PALLD: variants seen among roughly 807,000 people sequenced by gnomAD.
The protein encoded by PALLD is palladin, cytoskeletal associated protein.
PALLD carries 61 observed loss-of-function variants against 123.5 expected under a neutral mutation model. The observed-to-expected ratio is 0.49, with a 90% CI of 0.40 to 0.61. The LOEUF is 0.61. Ranked by LOEUF, PALLD falls within the 20% of genes least tolerant of loss-of-function variation. The pLI, the probability that PALLD is intolerant of heterozygous loss-of-function variation, is 0.00. For synonymous variants in PALLD, 465 were observed against 496.4 expected (o/e 0.94, Z 0.84); for missense variants, 1,273 against 1,377.0 (o/e 0.92, Z 1.20).
intron 10 of PALLD, among the ~76,000 whole-genome samples, chr4:168,851,315 G>A (rs1747738342): frequency 6.6e-6 from 1 of 152,114 alleles, no homozygotes; most frequent in African/African-American, 2.4e-5. Context: ...TAACTTAATA[G>A]TACAACTGGC....
chr4:168,504,233 A>G (rs1284253853), intron 1 of PALLD, among the ~76,000 whole-genome samples: 1 of 152,250 alleles, frequency 6.6e-6, no homozygotes, highest in Non-Finnish European at 1.5e-5. Context: ...AAGATGGGCG[A>G]GGCCAAGGAA....
rs1015502212 is a variant in PALLD at position 168,896,545 on chromosome 4, A to G, written c.2200-4A>G. 4.8e-5 allele frequency: 71 copies of G among 1,472,154 alleles called. No individual in the cohort carries two copies. The highest frequency in any genetic ancestry group is 6.5e-5 in the Non-Finnish European group (71 of 1,087,894). 91.2% of individuals were successfully genotyped at this position (1,472,154 alleles called of 1,614,324 possible). On this transcript the variant is annotated splice_polypyrimidine_tract_variant and splice_region_variant and intron_variant, in intron 12 of 21. Transcript: ENST00000505667. ...TCTTCACATCTTTTTTTCTACCATT[A>G]CAGGACATTGGTTCTCCTCATGCTT...
At chr4:168,789,426 G>A (rs183076559) in intron 10 of PALLD, among the ~76,000 whole-genome samples, 40 of 152,306 alleles carry the variant, frequency 2.6e-4, no homozygotes, top group African/African-American at 3.9e-4. Flanking sequence ...GACATTTAGG[G>A]CCGGGTGCAG....
At chr4:168,598,482 G>C (rs1456701370) in intron 2 of PALLD, 6 of 567,494 alleles carry the variant, frequency 1.1e-5, no homozygotes, top group Non-Finnish European at 1.7e-5. Flanking sequence ...TTAGCAGAGA[G>C]AGAAGAACTA....
chr4:168,603,363 T>A (rs1772862680), intron 2 of PALLD, among the ~76,000 whole-genome samples: 2 of 152,208 alleles, frequency 1.3e-5, no homozygotes, highest in South Asian at 4.1e-4. Flanking sequence ...AAACTTTATA[T>A]CATAAAGTAC....
In PALLD at chr4:168,683,107, A is replaced by C. The variant is rs1258484636; in HGVS notation, c.1260+4A>C. On this transcript the variant is annotated splice_donor_region_variant and intron_variant, in intron 5 of 21. Transcript: ENST00000505667. ...ACTGTCTGTCCCTGTGCAACAGGTAAGTATGCTTTGAGCCAGAGCCCATAA... is the reference window on the plus strand; with the variant it reads ...ACTGTCTGTCCCTGTGCAACAGGTACGTATGCTTTGAGCCAGAGCCCATAA... 9 of 1,568,092 alleles carry C rather than the reference A, an allele frequency of 5.7e-6. No individual in the cohort carries two copies. The highest frequency in any genetic ancestry group is 1.7e-5 in the Admixed American group (1 of 59,880).
chr4:168,776,350 T>C (rs1313563863), intron 10 of PALLD, among the ~76,000 whole-genome samples: 3 of 152,242 alleles, frequency 2.0e-5, no homozygotes, highest in Non-Finnish European at 4.4e-5. Flanking sequence ...AGTTGACTTC[T>C]ATATTATTGA....
intron 2 of PALLD, among the ~76,000 whole-genome samples, chr4:168,579,165 G>C (rs903815508): frequency 6.6e-6 from 1 of 152,164 alleles, no homozygotes; most frequent in African/African-American, 2.4e-5. Flanking sequence ...ACAGTGGGGA[G>C]GTCAAGGTAG....
chr4:168,744,521 C>T (rs555493008), intron 10 of PALLD, among the ~76,000 whole-genome samples: 8 of 151,952 alleles, frequency 5.3e-5, no homozygotes, highest in Non-Finnish European at 1.0e-4. Context: ...AACAGGGCAT[C>T]AAAGGGTTTC....
intron 10 of PALLD, among the ~76,000 whole-genome samples, chr4:168,816,816 C>A (rs1742022889): frequency 8.1e-6 from 1 of 122,774 alleles, no homozygotes; most frequent in African/African-American, 3.2e-5. Flanking sequence ...GGAGCTAGCC[C>A]CGTGTGTGTG....
At chr4:168,673,418 C>A (rs1417882688) in intron 3 of PALLD, among the ~76,000 whole-genome samples, 1 of 152,042 alleles carries the variant, frequency 6.6e-6, no homozygotes, top group Non-Finnish European at 1.5e-5. Context: ...TGAGGACAGC[C>A]AGATGTGCCT....
At chr4:168,789,503 G>C (rs985421276) in intron 10 of PALLD, among the ~76,000 whole-genome samples, 4 of 152,056 alleles carry the variant, frequency 2.6e-5, no homozygotes, top group Non-Finnish European at 5.9e-5. Flanking sequence ...TCAAGAGATT[G>C]AGACCATCCT....
rs62333913 is a variant in PALLD at position 168,699,841 on chromosome 4, C to T, written c.1501+8549C>T. ...CCCTCAAATCAAAACCTTAGGAAATCCAAACATGGGAAAATTAGATTAAAA... is the reference window on the plus strand; with the variant it reads ...CCCTCAAATCAAAACCTTAGGAAATTCAAACATGGGAAAATTAGATTAAAA... On this transcript the variant is annotated intron_variant, in intron 8 of 21. Coordinates refer to ENST00000505667, the MANE Select transcript of PALLD (RefSeq NM_001166108.2). Among the ~76,000 whole-genome samples the T allele has an allele frequency of 7.6e-3, 1,157 of 152,094 alleles. 8 individuals are homozygous for T. Among genetic ancestry groups the T allele is most frequent in the Non-Finnish European group, 0.011 (758 of 67,974 alleles).
chr4:168,887,025 G>A (rs1178673278), intron 10 of PALLD, among the ~76,000 whole-genome samples: 1 of 148,158 alleles, frequency 6.7e-6, no homozygotes, highest in Non-Finnish European at 1.5e-5. Flanking sequence ...GCTGAGGCAG[G>A]AGAACTGCTT....
At chr4:168,889,400 G>C (rs1753843646) in intron 10 of PALLD, among the ~76,000 whole-genome samples, 2 of 151,946 alleles carry the variant, frequency 1.3e-5, no homozygotes. Context: ...CTGACCTCAG[G>C]GGATTCACCC....
At chr4:168,754,237 T>C (rs1049487323) in intron 10 of PALLD, among the ~76,000 whole-genome samples, 1 of 152,234 alleles carries the variant, frequency 6.6e-6, no homozygotes, top group African/African-American at 2.4e-5. Context: ...CATCTCCTGA[T>C]AACTTTTTTT....
In PALLD at chr4:168,512,038, G is replaced by A; in HGVS notation, c.534G>A (p.Glu178=). The A allele has an allele frequency of 6.2e-7, 1 of 1,614,204 alleles. No homozygotes were observed. Among genetic ancestry groups the A allele is most frequent in the Non-Finnish European group, 8.5e-7 (1 of 1,180,048 alleles). ...ACAAGGCAGCTAATTTAATTGAGGA[G>A]CTAACATCCATATTTAAAGCCGCAA... ...LCDKAANLIE[E]LTSIFKAAKP... is the part of the protein sequence containing the mutation. Residue 178 remains glutamate (E), a synonymous_variant, in exon 2 of 22, where the codon GAG becomes GAA. Coordinates refer to ENST00000505667, the MANE Select transcript of PALLD (RefSeq NM_001166108.2).
intron 2 of PALLD, among the ~76,000 whole-genome samples, chr4:168,584,727 A>G (rs1770642579): frequency 1.3e-5 from 2 of 152,248 alleles, no homozygotes; most frequent in African/African-American, 4.8e-5. Context: ...GTTTCTGAAT[A>G]TGAACATTCA....
intron 2 of PALLD, among the ~76,000 whole-genome samples, chr4:168,514,024 T>C (rs1208354636): frequency 6.6e-6 from 1 of 152,022 alleles, no homozygotes; most frequent in Non-Finnish European, 1.5e-5. Context: ...AAGAATCACT[T>C]GAACCTGGGA....
Sources: allele counts gnomAD v4.1 joint callset (sites outside exome capture counted in the v4.1 genomes callset), GRCh38; gene constraint gnomAD v4.1.1; transcripts MANE v1.5; gene names NCBI Gene and HGNC (gene_info 2026-07-23, HGNC 2026-07-21).